PPCS: variants seen among roughly 807,000 people sequenced by gnomAD.
The protein encoded by PPCS is phosphopantothenoylcysteine synthetase, also known as phosphopantothenate--cysteine ligase.
A neutral mutation model predicts 24.6 loss-of-function variants in PPCS; 17 were observed. The ratio of observed to expected loss-of-function variants is 0.69; its 90% CI spans 0.47 to 1.04. The LOEUF (loss-of-function observed/expected upper bound fraction) is 1.04. Ranked by LOEUF, PPCS falls within the 50% of genes least tolerant of loss-of-function variation. PPCS has a pLI of 0.00. For synonymous variants in PPCS, 190 were observed against 168.3 expected (o/e 1.13, Z -1.00); for missense variants, 360 against 402.8 (o/e 0.89, Z 0.91).
intron 2 of PPCS, among the ~76,000 whole-genome samples, chr1:42,470,277 C>T (rs954474557): frequency 8.3e-6 from 1 of 119,856 alleles, no homozygotes; most frequent in African/African-American, 3.2e-5. Context: ...CTGCTTCACA[C>T]CCATTAGGAT....
intron 2 of PPCS, among the ~76,000 whole-genome samples, chr1:42,471,909 ATATT>A (rs894769935): frequency 7.2e-5 from 11 of 152,320 alleles, no homozygotes; most frequent in African/African-American, 1.9e-4. Context: ...GCAAAATAGT[ATATT>A]TATGTGGACT....
chr1:42,461,836 C>T (rs146338033), downstream of PPCS, among the ~76,000 whole-genome samples: 5 of 152,188 alleles, frequency 3.3e-5, no homozygotes, highest in East Asian at 7.7e-4. Context: ...TGAGCCACCG[C>T]GCCCAGCCAC....
chr1:42,459,767 C>G lies in PPCS; in HGVS notation c.777C>G (p.Ile259Met). The G allele has an allele frequency of 1.2e-6, 2 of 1,614,144 alleles. No homozygotes were observed. The highest frequency in any genetic ancestry group is 1.7e-6 in the Non-Finnish European group (2 of 1,180,026). ...AGCATCAAGTGGTGGTGGCTAATAT[C>G]CTTGAGTCACGACAGTCCTTTGTGT... ...IYQHQVVVAN[I>M]LESRQSFVFI... The change falls in exon 3 of 3, where the codon ATC (isoleucine) becomes ATG (methionine). Residue 259 changes from isoleucine to methionine, a missense_variant. Ile to Met is a conservative substitution (Grantham distance 10). Around this residue, in one of 2 missense-constraint regions of PPCS, gnomAD observed 116 missense variants for 168.1 expected, o/e 0.69. Coordinates refer to ENST00000372561, the MANE Select transcript of PPCS (RefSeq NM_024664.4).
At position 42,459,805 on chromosome 1, in the gene PPCS, A is replaced by G; in HGVS notation, c.815A>G (p.Lys272Arg). 6.2e-7 allele frequency: 1 copy of G among 1,614,236 alleles called. No homozygotes were observed. Among genetic ancestry groups the G allele is most frequent in the Admixed American group, 1.7e-5 (1 of 60,032 alleles). The part of the protein sequence containing the change: ...SRQSFVFIVT[K>R]DSETKLLLSE... ...CAGTCCTTTGTGTTTATTGTAACCA[A>G]AGACTCGGAAACCAAGTTATTGCTA... The change falls in exon 3 of 3, where the codon AAA becomes AGA. Residue 272 changes from lysine to arginine, a missense_variant. Around this residue, in one of 2 missense-constraint regions of PPCS, gnomAD observed 116 missense variants for 168.1 expected, o/e 0.69. Coordinates refer to ENST00000372561, the MANE Select transcript of PPCS (RefSeq NM_024664.4).
At chr1:42,461,381 G>A (rs749521595), downstream of PPCS, among the ~76,000 whole-genome samples, 11 of 152,156 alleles carry the variant, frequency 7.2e-5, no homozygotes, top group Non-Finnish European at 1.3e-4. Flanking sequence ...AGTCACCCAG[G>A]TTGGAGTGCA....
At chr1:42,464,712 G>A (rs184178831), downstream of PPCS, among the ~76,000 whole-genome samples, 7 of 152,296 alleles carry the variant, frequency 4.6e-5, no homozygotes, top group Non-Finnish European at 1.0e-4. Context: ...CTTACAATAC[G>A]CATTCCTTGT....
chr1:42,466,490 T>C (rs1467221104), intron 2 of PPCS, among the ~76,000 whole-genome samples: 2 of 152,188 alleles, frequency 1.3e-5, no homozygotes, highest in Non-Finnish European at 2.9e-5. Context: ...TTTTAAGAGA[T>C]TTAATGAGCA....
intron 2 of PPCS, 161 bp from the exon 3 acceptor site, chr1:42,459,442 A>G: frequency 1.5e-6 from 1 of 686,914 alleles, no homozygotes; most frequent in Non-Finnish European, 2.4e-6. Context: ...ATTACAGGCC[A>G]AGCCACTGTG....
At position 42,457,463 on chromosome 1, in the gene PPCS, A is replaced by G. The variant is rs1046083702; in HGVS notation, c.612+113A>G. The G allele has an allele frequency of 8.9e-6, 8 of 897,314 alleles. No homozygotes were observed. The African/African-American group carries it at 1.3e-4, about 15-fold the overall frequency. The allele number at this position is 897,314 out of a possible 1,614,324, so 55.6% of individuals were successfully genotyped here. A position where few individuals can be genotyped will look rare whatever the true frequency, so the allele number is the denominator to read the frequency against. On this transcript the variant is annotated intron_variant, in intron 2 of 2. Coordinates refer to ENST00000372561, the MANE Select transcript of PPCS (RefSeq NM_024664.4). ...TCTGTATTCGCTAGGCACAGGGGAT[A>G]CAGAGATGAATAAGACACCGCCCTC...
In PPCS at chr1:42,456,862, G is replaced by T. The variant is rs933236176; in HGVS notation, c.297G>T (p.Gln99His). 8 of 1,613,470 alleles carry T rather than the reference G, an allele frequency of 5.0e-6. No homozygotes were observed. Among genetic ancestry groups the T allele is most frequent in the Non-Finnish European group, 5.9e-6 (7 of 1,180,046 alleles). ...AFPYAHRFPP[Q>H]TWLSALRPSG... is the part of the protein sequence containing the mutation. ...CCTATGCCCACCGCTTCCCACCCCA[G>T]ACTTGGCTGTCCGCTCTGCGGCCTT... The change falls in exon 1 of 3, where the codon CAG (glutamine) becomes CAT (histidine). Residue 99 changes from glutamine (Q) to histidine (H), a missense_variant. This residue lies in a region of PPCS where 244 missense variants were observed against 234.7 expected (regional missense o/e 1.04). Coordinates refer to ENST00000372561, the MANE Select transcript of PPCS (RefSeq NM_024664.4).
chr1:42,461,261 A>G (rs1643403077), downstream of PPCS, among the ~76,000 whole-genome samples: 1 of 152,228 alleles, frequency 6.6e-6, no homozygotes, highest in Non-Finnish European at 1.5e-5. Context: ...TACTTCATTA[A>G]TCAGGAAATG....
chr1:42,464,381 A>G (rs1270791584), downstream of PPCS, among the ~76,000 whole-genome samples: 6 of 152,236 alleles, frequency 3.9e-5, no homozygotes, highest in African/African-American at 1.4e-4. Flanking sequence ...AAGGGCATTC[A>G]AAGTGATCAT....
At chr1:42,467,722 A>G (rs1307375609) in intron 2 of PPCS, 1 of 152,244 alleles carries the variant, frequency 6.6e-6, no homozygotes, top group Non-Finnish European at 1.5e-5. Context: ...CTCAGAGGCC[A>G]TATTTGTACC....
chr1:42,458,375 A>G (rs115148849), intron 2 of PPCS, among the ~76,000 whole-genome samples: 12 of 152,146 alleles, frequency 7.9e-5, no homozygotes, highest in Non-Finnish European at 1.5e-5. Context: ...AGGAGTTCTT[A>G]GTCATTTATT....
At chr1:42,469,294 A>G (rs955446796) in intron 2 of PPCS, among the ~76,000 whole-genome samples, 1 of 152,220 alleles carries the variant, frequency 6.6e-6, no homozygotes, top group Non-Finnish European at 1.5e-5. Context: ...AGTCAGGAGG[A>G]TCACTAGAGC....
At chr1:42,467,936 G>A (rs991181917) in intron 2 of PPCS, among the ~76,000 whole-genome samples, 1 of 152,234 alleles carries the variant, frequency 6.6e-6, no homozygotes, top group Admixed American at 6.5e-5. Context: ...CCTTGCTGAT[G>A]AGCAAGCAGA....
chr1:42,471,889 C>CT (rs5773778), intron 2 of PPCS, among the ~76,000 whole-genome samples: 58,527 of 151,902 alleles, frequency 0.39, 11,731 homozygotes, highest in East Asian at 0.59. Context: ...TATGGTTTTG[C>CT]TTTTAAAAAG....
intron 2 of PPCS, among the ~76,000 whole-genome samples, chr1:42,458,713 C>T (rs1443544170): frequency 6.6e-6 from 1 of 152,178 alleles, no homozygotes; most frequent in Non-Finnish European, 1.5e-5. Flanking sequence ...TCTCTGGGAT[C>T]TTTAGTTTAT....
chr1:42,463,776 G>A (rs1376798958), downstream of PPCS: 2 of 152,106 alleles, frequency 1.3e-5, no homozygotes, highest in Non-Finnish European at 2.9e-5. Flanking sequence ...TCCCCTACGT[G>A]TAGGCCCGCG....
Sources: allele counts gnomAD v4.1 joint callset (sites outside exome capture counted in the v4.1 genomes callset), GRCh38; gene constraint gnomAD v4.1.1; regional missense constraint gnomAD v4.1.1; transcripts MANE v1.5; gene names NCBI Gene and HGNC (gene_info 2026-07-23, HGNC 2026-07-21).